Variants in MYO18B observed in about 807,000 individuals in gnomAD.
The protein encoded by MYO18B is myosin XVIIIB, also known as unconventional myosin-XVIIIb.
In MYO18B, 204 loss-of-function variants were observed where a neutral mutation model predicts 273.0. The observed-to-expected ratio is 0.75, with a 90% CI of 0.67 to 0.84. The LOEUF is 0.84. Ranked by LOEUF, MYO18B falls within the 40% of genes least tolerant of loss-of-function variation. The pLI, the probability that MYO18B is intolerant of heterozygous loss-of-function variation, is 0.00. For missense variants in MYO18B, 3,212 were observed against 3,287.6 expected (o/e 0.98, Z 0.56); for synonymous variants, 1,330 against 1,305.7 (o/e 1.02, Z -0.40).
chr22:25,910,092 ATTGCTGAGAAATCAGAGCCAG>A (rs1339021486), intron 32 of MYO18B, among the ~76,000 whole-genome samples: 1 of 152,170 alleles, frequency 6.6e-6, no homozygotes, highest in East Asian at 1.9e-4. Context: ...TTGCTGGGTA[ATTGCTGAGAAATCAGAGCCAG>A]TTGCAAATTA....
In MYO18B at chr22:25,785,590, G is replaced by T. The variant is rs1480257697; in HGVS notation, c.2376+99G>T. 3.9e-6 allele frequency: 5 copies of T among 1,294,680 alleles called. No individual in the cohort carries two copies. In the East Asian group the frequency reaches 1.3e-4, roughly 33 times the overall value. The allele number at this position is 1,294,680 out of a possible 1,614,324, so 80.2% of individuals were successfully genotyped here. A position where few individuals can be genotyped will look rare whatever the true frequency, so the allele number is the denominator to read the frequency against. ...TGCAACTTGTCTCTTTTGGTACTGG[G>T]GTTCATAGTTGGCAAGGGTTGGTCA... On this transcript the variant is annotated intron_variant, in intron 11 of 43. Transcript: ENST00000335473.
chr22:25,822,598 G>T (rs1411278879), intron 12 of MYO18B, among the ~76,000 whole-genome samples: 2 of 152,244 alleles, frequency 1.3e-5, no homozygotes, highest in Non-Finnish European at 1.5e-5. Flanking sequence ...CAGATGGCTA[G>T]TTGGATGGTT....
intron 24 of MYO18B, 60 bp from the exon 25 acceptor site, chr22:25,877,899 C>T: frequency 1.4e-6 from 2 of 1,431,720 alleles, no homozygotes; most frequent in Non-Finnish European, 1.9e-6. Flanking sequence ...TCACTCCTAA[C>T]ACAGGTGGAA....
chr22:25,817,421 T>A (rs74764437), intron 12 of MYO18B, among the ~76,000 whole-genome samples: 6 of 88,560 alleles, frequency 6.8e-5, no homozygotes, highest in African/African-American at 2.3e-4. Flanking sequence ...CTCCCTCTTT[T>A]CTTTCCCTTT....
chr22:25,981,349 C>G (rs960751765), intron 39 of MYO18B, among the ~76,000 whole-genome samples: 5 of 152,148 alleles, frequency 3.3e-5, no homozygotes, highest in Admixed American at 3.3e-4. Flanking sequence ...ACTGTGACAG[C>G]CAGCCTCCCA....
In MYO18B at chr22:26,027,158, G is replaced by C. The variant is rs6004901; in HGVS notation, c.7184G>C (p.Gly2395Ala). ...CTGGAGTCCTCTGTGGACGATGCGG[G>C]CTGTCCAGACCTTGGAAAGGAGCCG... ...RCLESSVDDA[G>A]CPDLGKEPLV... is the part of the protein sequence containing the mutation. The change falls in exon 43 of 44, where the codon GGC becomes GCC. Residue 2395 changes from glycine (G) to alanine (A), a missense_variant. Physicochemically the swap from Gly to Ala is moderately conservative, Grantham distance 60. Transcript: ENST00000335473. This position sits in a 1 kb window ranked among gnomAD's most constrained non-coding sequence, Gnocchi z 4.1. 0.041 allele frequency: 66,932 copies of C among 1,613,888 alleles called. 3,411 individuals carry two copies. The highest frequency in any genetic ancestry group is 0.25 in the African/African-American group (18,416 of 74,946).
At chr22:25,874,536 CT>C in intron 23 of MYO18B, 122 bp downstream of exon 23, 1 of 1,198,050 alleles carries the variant, frequency 8.3e-7, no homozygotes, top group Non-Finnish European at 1.2e-6. Flanking sequence ...AGCAGTGAGA[CT>C]TTAAGTGAGG....
intron 34 of MYO18B, among the ~76,000 whole-genome samples, chr22:25,921,701 GTTGTGTGTGTGTGTGTGTGTGT>G (rs2092344795): frequency 8.5e-6 from 1 of 117,394 alleles, no homozygotes; most frequent in African/African-American, 3.9e-5. Context: ...CAGTGTGCCT[GTTGTGTGTGTGTGTGTGTGTGT>G]GTGTGTGTGT....
Position 25,828,821 on chromosome 22 carries a change from G to A in MYO18B, c.2832G>A (p.Val944=), listed in dbSNP as rs751655313. Residue 944 remains valine (V), a synonymous_variant, in exon 15 of 44, where the codon GTG becomes GTA. Transcript: ENST00000335473. ...HHLSMASIMV[V]DSPGFQNPRH... ...TCTCCATGGCCTCCATCATGGTGGT[G>A]GACTCTCCAGGCTTCCAGAACCCCC... 2 of 1,613,862 alleles carry A rather than the reference G, an allele frequency of 1.2e-6. No individual in the cohort carries two copies. The highest frequency in any genetic ancestry group is 1.7e-6 in the Non-Finnish European group (2 of 1,179,878).
the MYO18B span, among the ~76,000 whole-genome samples, chr22:26,046,630 C>G: frequency 2.6e-5 from 4 of 152,336 alleles, no homozygotes; most frequent in Non-Finnish European, 2.9e-5. Flanking sequence ...CCCTACTTAG[C>G]TCTACATTTT....
At chr22:25,846,315 G>A in intron 19 of MYO18B, 32 bp downstream of exon 19, 1 of 1,602,838 alleles carries the variant, frequency 6.2e-7, no homozygotes. Flanking sequence ...TGGTGTCCTG[G>A]CCTTCACTGC....
In MYO18B at chr22:25,797,934, T is replaced by C. The variant is rs2087996243; in HGVS notation, c.2377-19T>C. On this transcript the variant is annotated intron_variant, in intron 11 of 43. Coordinates refer to ENST00000335473, the MANE Select transcript of MYO18B (RefSeq NM_032608.7). ...CATCGCGATGGCCTTGTTTTCTTCCTCTCTCCCTTTGCCCGCAGCCTGAAG... is the reference window on the plus strand; with the variant it reads ...CATCGCGATGGCCTTGTTTTCTTCCCCTCTCCCTTTGCCCGCAGCCTGAAG... 1 of 1,613,848 alleles carries C rather than the reference T, an allele frequency of 6.2e-7. No homozygotes were observed. Among genetic ancestry groups the C allele is most frequent in the Non-Finnish European group, 8.5e-7 (1 of 1,179,888 alleles).
chr22:25,760,253 A>G (rs2086260006), intron 1 of MYO18B, among the ~76,000 whole-genome samples: 1 of 151,960 alleles, frequency 6.6e-6, no homozygotes, highest in Non-Finnish European at 1.5e-5. Context: ...TTCTCTACCC[A>G]AAATATAAAA....
At position 25,769,070 on chromosome 22, in the gene MYO18B, C is replaced by T. The variant is rs2086619020; in HGVS notation, c.1154C>T (p.Ala385Val). The T allele has an allele frequency of 1.2e-6, 2 of 1,612,726 alleles. No individual in the cohort carries two copies. The highest frequency in any genetic ancestry group is 2.2e-5 in the East Asian group (1 of 44,848). The part of the protein sequence containing the change: ...AGELRSTTGK[A>V]GESWDKKEKM... Reference sequence around the variant, plus strand: ...GAGCTTCGGAGCACGACTGGGAAGGCAGGTGAGTCCTGGGATAAGAAGGAA... The same window carrying T: ...GAGCTTCGGAGCACGACTGGGAAGGTAGGTGAGTCCTGGGATAAGAAGGAA... Residue 385 changes from alanine to valine, a missense_variant, in exon 4 of 44, where the codon GCA becomes GTA. By Grantham distance (64) the Ala-to-Val change is moderately conservative (BLOSUM62 0). Coordinates refer to ENST00000335473, the MANE Select transcript of MYO18B (RefSeq NM_032608.7).
intron 25 of MYO18B, among the ~76,000 whole-genome samples, chr22:25,881,520 C>T (rs2091333842): frequency 6.6e-6 from 1 of 152,236 alleles, no homozygotes; most frequent in South Asian, 2.1e-4. Context: ...ATATCAGGGA[C>T]TTCCCTGTAG....
chr22:25,972,692 A>G (rs867070037), intron 39 of MYO18B, among the ~76,000 whole-genome samples: 4 of 152,284 alleles, frequency 2.6e-5, no homozygotes, highest in Middle Eastern at 3.4e-3. Context: ...ACGGTGGCTC[A>G]CGCCTGTAAT....
chr22:26,041,771 G>A, the MYO18B span, among the ~76,000 whole-genome samples: 5 of 152,168 alleles, frequency 3.3e-5, no homozygotes, highest in Non-Finnish European at 7.3e-5. Flanking sequence ...GCATGAGAAG[G>A]AATGAACTTC....
chr22:26,006,772 C>T (rs938003515), intron 42 of MYO18B, among the ~76,000 whole-genome samples: 1 of 152,076 alleles, frequency 6.6e-6, no homozygotes, highest in South Asian at 2.1e-4. Flanking sequence ...TGTGGTGATG[C>T]ACAAGCCACT....
Position 25,962,753 on chromosome 22 carries a change from A to G in MYO18B, c.6156+7389A>G, listed in dbSNP as rs547884940. ...GATGCATCATTCATCTGAAACTTGT[A>G]TGGAGTTTCTTGAATGATAAAGCAA... On this transcript the variant is annotated intron_variant, in intron 39 of 43. Transcript: ENST00000335473. 1.5e-3 allele frequency among the ~76,000 whole-genome samples: 222 copies of G among 152,294 alleles called. 3 individuals are homozygous for G. The highest frequency in any genetic ancestry group is 5.2e-3 in the African/African-American group (216 of 41,562).
Sources: allele counts gnomAD v4.1 joint callset (sites outside exome capture counted in the v4.1 genomes callset), GRCh38; gene constraint gnomAD v4.1.1; non-coding constraint Gnocchi (gnomAD v3.1); transcripts MANE v1.5; gene names NCBI Gene and HGNC (gene_info 2026-07-23, HGNC 2026-07-21).